The following ZBBX variants were observed in gnomAD, a reference collection of about 807,000 sequenced individuals.
ZBBX encodes zinc finger B-box domain containing, also known as zinc finger B-box domain-containing protein 1.
ZBBX carries 101 observed loss-of-function variants against 108.5 expected under a neutral mutation model. That is an observed-to-expected ratio of 0.93 (90% confidence interval 0.79 to 1.10). ZBBX has a LOEUF of 1.10. Ranked by LOEUF, ZBBX falls within the 50% of genes least tolerant of loss-of-function variation. The probability of loss-of-function intolerance (pLI) is 0.00; values close to 1 mark genes in which losing one functional copy is unlikely to be tolerated. For synonymous variants in ZBBX, 356 were observed against 323.4 expected (o/e 1.10, Z -1.08); for missense variants, 1,009 against 941.4 (o/e 1.07, Z -0.94).
At chr3:167,269,466 C>T (rs1048539094) in intron 20 of ZBBX, among the ~76,000 whole-genome samples, 1 of 152,092 alleles carries the variant, frequency 6.6e-6, no homozygotes, top group African/African-American at 2.4e-5. Context: ...GGATTCCTTG[C>T]CTCATTAAAT....
intron 20 of ZBBX, among the ~76,000 whole-genome samples, chr3:167,270,643 C>T (rs1726358407): frequency 6.6e-6 from 1 of 152,096 alleles, no homozygotes; most frequent in Admixed American, 6.5e-5. Context: ...TGCATCCACT[C>T]TGTTGCTGCT....
chr3:167,296,138 T>C (rs1013192133), intron 18 of ZBBX, among the ~76,000 whole-genome samples: 3 of 151,766 alleles, frequency 2.0e-5, no homozygotes, highest in Admixed American at 6.6e-5. Flanking sequence ...ATTTATAGAA[T>C]GAAAGAAAAA....
At chr3:167,350,352 T>A in intron 9 of ZBBX, 68 bp downstream of exon 9, 1 of 1,272,274 alleles carries the variant, frequency 7.9e-7, no homozygotes, top group Non-Finnish European at 1.1e-6. Flanking sequence ...ACTAAAGACA[T>A]TTTAAATGTC....
At chr3:167,384,591 G>A (rs188451652), upstream of ZBBX, among the ~76,000 whole-genome samples, 288 of 152,124 alleles carry the variant, frequency 1.9e-3, 1 homozygote, top group Non-Finnish European at 3.5e-3. Context: ...CCATCAGCAT[G>A]TAATCAGATA....
the ZBBX span, among the ~76,000 whole-genome samples, chr3:167,194,880 TC>T: frequency 6.6e-6 from 1 of 152,134 alleles, no homozygotes; most frequent in African/African-American, 2.4e-5. Context: ...TATAGGAACT[TC>T]CCAAGGCTCA....
rs369276775 is a variant in ZBBX at position 167,301,889 on chromosome 3, G to A, written c.1726-3431C>T. 1.5e-4 allele frequency among the ~76,000 whole-genome samples: 23 copies of A among 150,228 alleles called. No homozygotes were observed. In the South Asian group the frequency reaches 3.8e-3, roughly 25 times the overall value. ...GGAGAATGGCGGGAACCCGGGAGGC[G>A]GAGCTTGCTGTGAGCCACGATGGCA... On this transcript the variant is annotated intron_variant, in intron 17 of 21. Transcript: ENST00000675490.
intron 11 of ZBBX, among the ~76,000 whole-genome samples, chr3:167,324,394 T>C (rs149156557): frequency 6.6e-6 from 1 of 152,100 alleles, no homozygotes; most frequent in African/African-American, 2.4e-5. Context: ...GTGCTGAAGT[T>C]ACAGACATAA....
chr3:167,242,513 C>T lies in ZBBX; in HGVS notation c.2385G>A (p.Glu795=). ...CTGCAGGCTTAACTTACCTCAATTC[C>T]TCAACTCCACAGGGACCCCTCACAT... ...TSHVRGPCGV[E]ELSCSGRDTK... Residue 795 remains glutamate (E), a synonymous_variant, in exon 21 of 22, where the codon GAG becomes GAA. Transcript: ENST00000675490. 1 of 1,600,086 alleles carries T rather than the reference C, an allele frequency of 6.2e-7. No homozygotes were observed. Among genetic ancestry groups the T allele is most frequent in the Non-Finnish European group, 8.5e-7 (1 of 1,175,174 alleles).
At chr3:167,370,005 T>C (rs1229260935) in intron 4 of ZBBX, among the ~76,000 whole-genome samples, 1 of 152,166 alleles carries the variant, frequency 6.6e-6, no homozygotes, top group Non-Finnish European at 1.5e-5. Flanking sequence ...AAGAGCCTTG[T>C]AAGCCATGAT....
intron 20 of ZBBX, among the ~76,000 whole-genome samples, chr3:167,279,336 A>G (rs1485595510): frequency 2.6e-5 from 4 of 151,610 alleles, no homozygotes; most frequent in Non-Finnish European, 4.4e-5. Flanking sequence ...ATGATTGTAT[A>G]TCTAGAAAAC....
chr3:167,288,848 GC>G lies in ZBBX; in HGVS notation c.1996+18del, dbSNP rs1321924096. 1.4e-5 allele frequency: 21 copies of G among 1,499,162 alleles called. No individual in the cohort carries two copies. Among genetic ancestry groups the G allele is most frequent in the Middle Eastern group, 1.7e-4 (1 of 5,852 alleles). 92.9% of individuals were successfully genotyped at this position (1,499,162 alleles called of 1,614,324 possible). A position where few individuals can be genotyped will look rare whatever the true frequency, so the allele number is the denominator to read the frequency against. The stretch of plus-strand genomic sequence containing the variant: ...AGTAAGCTGCCAACATGGCACTGCT[GC>G]CTTTGAGTCAATGTTACCCATCTTT... On this transcript the variant is annotated intron_variant, in intron 19 of 21. Transcript: ENST00000675490.
the ZBBX span, among the ~76,000 whole-genome samples, chr3:167,210,728 GC>G: frequency 6.6e-6 from 1 of 152,052 alleles, no homozygotes. Context: ...AACCTTATAG[GC>G]CAGGAGAGAA....
intron 5 of ZBBX, 86 bp downstream of exon 5, chr3:167,368,375 T>A (rs1745657388): frequency 1.0e-6 from 1 of 965,392 alleles, no homozygotes; most frequent in East Asian, 2.9e-5. Context: ...CCATTAAATG[T>A]TTTTATTGGA....
intron 2 of ZBBX, among the ~76,000 whole-genome samples, chr3:167,377,698 A>T (rs1560204847): frequency 1.3e-5 from 2 of 151,940 alleles, no homozygotes; most frequent in East Asian, 1.9e-4. Flanking sequence ...TAAAATATTT[A>T]AAAAATTATA....
chr3:167,351,799 G>C (rs1742702450), intron 8 of ZBBX, among the ~76,000 whole-genome samples: 1 of 152,220 alleles, frequency 6.6e-6, no homozygotes, highest in Admixed American at 6.5e-5. Context: ...TGGGGAGCAA[G>C]AGGGGAAGCT....
chr3:167,216,758 T>C, the ZBBX span, among the ~76,000 whole-genome samples: 2,038 of 152,266 alleles, frequency 0.013, 22 homozygotes, highest in South Asian at 0.026. Flanking sequence ...AGCATGGTAC[T>C]GGTACAGAAA....
At chr3:167,367,983 TATATAC>T (rs66974230) in intron 5 of ZBBX, among the ~76,000 whole-genome samples, 19,479 of 47,088 alleles carry the variant, frequency 0.41, 1,449 homozygotes, top group Admixed American at 0.45. Flanking sequence ...TATATATATA[TATATAC>T]ATATATATAT....
chr3:167,225,189 A>C, the ZBBX span, among the ~76,000 whole-genome samples: 1 of 151,916 alleles, frequency 6.6e-6, no homozygotes, highest in Non-Finnish European at 1.5e-5. Context: ...GAAAGAAAGA[A>C]GGCCCCAGCT....
chr3:167,349,933 A>G (rs1035238855), intron 9 of ZBBX, among the ~76,000 whole-genome samples: 2 of 152,074 alleles, frequency 1.3e-5, no homozygotes, highest in Non-Finnish European at 2.9e-5. Flanking sequence ...CAATGATTAT[A>G]TAAGGATAAA....
Sources: gnomAD v4.1 joint callset for allele counts (sites outside exome capture counted in the v4.1 genomes callset) on GRCh38, gnomAD v4.1.1 for gene constraint, MANE v1.5 for transcripts, NCBI Gene and HGNC (gene_info 2026-07-23, HGNC 2026-07-21) for gene names.